LRMDA: variants seen among roughly 807,000 people sequenced by gnomAD.
LRMDA encodes leucine-rich melanocyte differentiation-associated protein.
In LRMDA, 18 loss-of-function variants were observed where a neutral mutation model predicts 29.8. The observed-to-expected ratio is 0.60, with a 90% CI of 0.42 to 0.90. The LOEUF (loss-of-function observed/expected upper bound fraction) is 0.90. LRMDA is among the 40% of genes least tolerant of loss of function. The probability of loss-of-function intolerance (pLI) is 0.00; values close to 1 mark genes in which losing one functional copy is unlikely to be tolerated. For missense variants in LRMDA, 273 were observed against 273.9 expected (o/e 1.00, Z 0.02); for synonymous variants, 125 against 109.4 (o/e 1.14, Z -0.89).
intron 2 of LRMDA, among the ~76,000 whole-genome samples, chr10:75,920,261 G>A (rs1481050476): frequency 6.6e-6 from 1 of 152,058 alleles, no homozygotes; most frequent in Admixed American, 6.6e-5. Flanking sequence ...CAAAAGATCC[G>A]GATTTGAGAT....
chr10:76,191,141 C>T (rs1851237590), intron 5 of LRMDA, among the ~76,000 whole-genome samples: 1 of 152,084 alleles, frequency 6.6e-6, no homozygotes, highest in Non-Finnish European at 1.5e-5. Context: ...GTTGAGGTCA[C>T]CTGCGAGTTT....
At chr10:76,194,298 G>A (rs1424089056) in intron 5 of LRMDA, among the ~76,000 whole-genome samples, 13 of 152,174 alleles carry the variant, frequency 8.5e-5, no homozygotes. Flanking sequence ...TGCATCCCAT[G>A]CCCTTGGAAA....
intron 5 of LRMDA, among the ~76,000 whole-genome samples, chr10:76,156,655 G>C (rs7477264): frequency 2.0e-5 from 3 of 152,150 alleles, no homozygotes; most frequent in African/African-American, 2.4e-5. Flanking sequence ...TATTAGAGGA[G>C]TATTATGGGC....
chr10:75,747,072 C>T (rs1010125182), intron 2 of LRMDA, among the ~76,000 whole-genome samples: 1 of 151,770 alleles, frequency 6.6e-6, no homozygotes, highest in Admixed American at 6.6e-5. Flanking sequence ...TTTATTTAAT[C>T]TTTTTTAATA....
At chr10:76,481,589 A>C (rs182946528) in intron 6 of LRMDA, among the ~76,000 whole-genome samples, 205 of 152,074 alleles carry the variant, frequency 1.3e-3, no homozygotes, top group Non-Finnish European at 2.2e-3. Flanking sequence ...GGAGTGGTCT[A>C]ACTAATTGGG....
At chr10:76,385,866 A>C (rs1200629390) in intron 6 of LRMDA, among the ~76,000 whole-genome samples, 2 of 152,194 alleles carry the variant, frequency 1.3e-5, no homozygotes, top group Non-Finnish European at 2.9e-5. Flanking sequence ...ACTTTGTCTC[A>C]TACTTCTTAA....
intron 6 of LRMDA, among the ~76,000 whole-genome samples, chr10:76,451,458 G>A (rs1457197094): frequency 1.3e-5 from 2 of 152,050 alleles, no homozygotes; most frequent in African/African-American, 2.4e-5. Flanking sequence ...GCCCGCCTCG[G>A]CCTCCCAAAG....
intron 6 of LRMDA, among the ~76,000 whole-genome samples, chr10:76,330,937 G>A (rs1840896965): frequency 6.6e-6 from 1 of 152,146 alleles, no homozygotes; most frequent in African/African-American, 2.4e-5. Flanking sequence ...TTAGCATCAA[G>A]GAATCTTTTG....
chr10:75,511,920 C>G (rs1845230302), intron 2 of LRMDA, among the ~76,000 whole-genome samples: 2 of 152,216 alleles, frequency 1.3e-5, no homozygotes, highest in South Asian at 4.1e-4. Flanking sequence ...AGTGGCTTAA[C>G]TCTTTCATCT....
chr10:75,459,734 A>T (rs748040664), intron 2 of LRMDA, among the ~76,000 whole-genome samples: 7 of 152,212 alleles, frequency 4.6e-5, no homozygotes, highest in Admixed American at 1.3e-4. Flanking sequence ...GTACTGGCTT[A>T]TGGTTCTGGA....
At chr10:76,452,073 C>G (rs1842413138) in intron 6 of LRMDA, among the ~76,000 whole-genome samples, 10 of 152,168 alleles carry the variant, frequency 6.6e-5, no homozygotes, top group Admixed American at 6.5e-4. Flanking sequence ...AATTCTAGCC[C>G]TCTATGGCTC....
intron 2 of LRMDA, among the ~76,000 whole-genome samples, chr10:75,444,262 A>G (rs1197140152): frequency 6.6e-6 from 1 of 152,224 alleles, no homozygotes; most frequent in Non-Finnish European, 1.5e-5. Context: ...GTAGAAGGTC[A>G]TGGATTTCAG....
chr10:76,083,124 T>C (rs4746355), intron 5 of LRMDA, among the ~76,000 whole-genome samples: 67,438 of 152,054 alleles, frequency 0.44, 15,538 homozygotes, highest in African/African-American at 0.47. Context: ...AAGACTGTCC[T>C]TCCCAGGGCT....
chr10:75,833,842 AAAAGGGATACAGTG>A (rs1377944738), intron 2 of LRMDA, among the ~76,000 whole-genome samples: 1 of 152,192 alleles, frequency 6.6e-6, no homozygotes, highest in African/African-American at 2.4e-5. Flanking sequence ...ATTCCATTTT[AAAAGGGATACAGTG>A]AAAGGGAAAA....
chr10:76,156,234 A>G (rs1850535600), intron 5 of LRMDA, among the ~76,000 whole-genome samples: 1 of 152,188 alleles, frequency 6.6e-6, no homozygotes, highest in Admixed American at 6.5e-5. Context: ...CACAGCAACC[A>G]GCAGTCTCCA....
At chr10:76,480,327 C>A (rs1046072069) in intron 6 of LRMDA, among the ~76,000 whole-genome samples, 6 of 151,666 alleles carry the variant, frequency 4.0e-5, no homozygotes, top group African/African-American at 1.5e-4. Context: ...TCATGTTGCA[C>A]CAAAATTTAT....
chr10:75,848,543 A>T (rs963668603), intron 2 of LRMDA, among the ~76,000 whole-genome samples: 1 of 152,060 alleles, frequency 6.6e-6, no homozygotes, highest in African/African-American at 2.4e-5. Flanking sequence ...AGCATTGGGC[A>T]CCCGGGACTA....
rs1270881464 is a variant in LRMDA, at chr10:76,324,467, G to A, written c.583G>A (p.Glu195Lys). 1.6e-5 allele frequency: 26 copies of A among 1,613,894 alleles called. No individual in the cohort carries two copies. Among genetic ancestry groups the A allele is most frequent in the Non-Finnish European group, 2.2e-5 (26 of 1,180,006 alleles). The change falls in exon 6 of 7, where the codon GAA becomes AAA. Residue 195 changes from glutamate to lysine, a missense_variant. Coordinates refer to ENST00000611255, the MANE Select transcript of LRMDA (RefSeq NM_001305581.2). Reference sequence around the variant, plus strand: ...CACGCCCTTGCCTTCTGCTTCCAGGGAACTCACCAGTCACCAAGGTTGGAA... The same window carrying A: ...CACGCCCTTGCCTTCTGCTTCCAGGAAACTCACCAGTCACCAAGGTTGGAA... ...HYTPLPSASR[E>K]LTSHQGVLGK...
intron 6 of LRMDA, among the ~76,000 whole-genome samples, chr10:76,484,678 A>C (rs1251054293): frequency 6.6e-6 from 1 of 151,908 alleles, no homozygotes; most frequent in African/African-American, 2.4e-5. Flanking sequence ...GTTTTCTGTA[A>C]ATTCTATTAG....
Sources: gnomAD v4.1 joint callset for allele counts (sites outside exome capture counted in the v4.1 genomes callset) on GRCh38, gnomAD v4.1.1 for gene constraint, MANE v1.5 for transcripts, NCBI Gene and HGNC (gene_info 2026-07-23, HGNC 2026-07-21) for gene names.